Variants in UTRN observed in about 807,000 individuals in gnomAD.
UTRN encodes utrophin.
UTRN carries 283 observed loss-of-function variants against 463.9 expected under a neutral mutation model. That is an observed-to-expected ratio of 0.61 (90% CI 0.55 to 0.67). The LOEUF (loss-of-function observed/expected upper bound fraction) is 0.67. Ranked by LOEUF, UTRN falls within the 30% of genes least tolerant of loss-of-function variation. The pLI is 0.00. For missense variants in UTRN, 3,922 were observed against 4,084.3 expected, an observed-to-expected ratio of 0.96 and a Z score of 1.08; for synonymous variants, 1,442 against 1,431.5, an observed-to-expected ratio of 1.01 and a Z score of -0.17.
intron 2 of UTRN, among the ~76,000 whole-genome samples, chr6:144,378,725 A>G (rs1275385158): frequency 7.2e-5 from 11 of 152,184 alleles, no homozygotes; most frequent in Admixed American, 7.2e-4. Flanking sequence ...CATATGAACC[A>G]TGTTAATTTA....
intron 50 of UTRN, among the ~76,000 whole-genome samples, chr6:144,568,227 T>G (rs1800600447): frequency 6.9e-6 from 1 of 145,002 alleles, no homozygotes; most frequent in African/African-American, 2.7e-5. Context: ...AGTCTGTTGC[T>G]TCTTCTGTTT....
At chr6:144,599,224 A>C (rs892790434) in intron 51 of UTRN, among the ~76,000 whole-genome samples, 2 of 152,210 alleles carry the variant, frequency 1.3e-5, no homozygotes, top group African/African-American at 4.8e-5. Context: ...GATTTAGTAC[A>C]GGTGTATTTG....
chr6:144,459,194 T>C lies in UTRN; in HGVS notation c.2547T>C (p.Leu849=), dbSNP rs1258056480. 1.2e-6 allele frequency: 2 copies of C among 1,612,328 alleles called. No individual in the cohort carries two copies. The highest frequency in any genetic ancestry group is 3.4e-5 in the Admixed American group (2 of 59,470). The change falls in exon 21 of 75, where the codon CTT becomes CTC. Residue 849 remains leucine (L), a synonymous_variant. Transcript: ENST00000367545. Reference sequence around the variant, plus strand: ...CTTAGCGGGAATTGACAAATCTTCTTGGCCTTCACCCCAAAATTGAAATGG... The same window carrying C: ...CTTAGCGGGAATTGACAAATCTTCTCGGCCTTCACCCCAAAATTGAAATGG... ...DSCQRELTNL[L]GLHPKIEMAR...
chr6:144,825,317 C>T (rs1463822819), intron 66 of UTRN, among the ~76,000 whole-genome samples: 2 of 152,190 alleles, frequency 1.3e-5, no homozygotes, highest in Non-Finnish European at 2.9e-5. Flanking sequence ...CTAACACACA[C>T]ATTGTTCTTA....
At chr6:144,679,890 C>A (rs1420331827) in intron 52 of UTRN, among the ~76,000 whole-genome samples, 1 of 152,048 alleles carries the variant, frequency 6.6e-6, no homozygotes, top group Non-Finnish European at 1.5e-5. Flanking sequence ...GACATGGATG[C>A]TCTGTGTAAA....
At position 144,436,130 on chromosome 6, in the gene UTRN, A is replaced by G; in HGVS notation, c.1051A>G (p.Thr351Ala). 2 of 1,613,462 alleles carry G rather than the reference A, an allele frequency of 1.2e-6. No homozygotes were observed. The highest frequency in any genetic ancestry group is 1.1e-5 in the South Asian group (1 of 91,062). ...TGAAGAAGTCAAAGACCAGTTTGCA[A>G]CCCATGAAGTAAATATCTGTAGTTT... ...DVEEVKDQFA[T>A]HEAFMMELTA... The change falls in exon 10 of 75, where the codon ACC (threonine) becomes GCC (alanine). Residue 351 changes from threonine (T) to alanine (A), a missense_variant. By Grantham distance (58) the Thr-to-Ala change is moderately conservative. Coordinates refer to ENST00000367545, the MANE Select transcript of UTRN (RefSeq NM_007124.3).
At chr6:144,344,018 C>A in intron 2 of UTRN, 1 of 565,894 alleles carries the variant, frequency 1.8e-6, no homozygotes, top group Non-Finnish European at 2.5e-6. Context: ...CAAAGTGTAA[C>A]TTCCTCTCTG....
chr6:144,503,660 G>A (rs1794429751), intron 34 of UTRN, among the ~76,000 whole-genome samples: 1 of 152,180 alleles, frequency 6.6e-6, no homozygotes, highest in African/African-American at 2.4e-5. Context: ...TAGCCTGATA[G>A]TGTAGTTTGA....
intron 45 of UTRN, among the ~76,000 whole-genome samples, chr6:144,540,029 G>A (rs1286626709): frequency 7.0e-6 from 1 of 143,600 alleles, no homozygotes; most frequent in Non-Finnish European, 1.5e-5. Flanking sequence ...GGTGAGACAG[G>A]GAGACCCTGT....
At chr6:144,384,926 A>G (rs1035798585) in intron 2 of UTRN, among the ~76,000 whole-genome samples, 9 of 152,156 alleles carry the variant, frequency 5.9e-5, no homozygotes, top group African/African-American at 1.9e-4. Flanking sequence ...ATCATTGCAT[A>G]TGCTTTTTAC....
chr6:144,692,038 C>G (rs953620516), intron 52 of UTRN, among the ~76,000 whole-genome samples: 1 of 152,156 alleles, frequency 6.6e-6, no homozygotes, highest in Non-Finnish European at 1.5e-5. Context: ...CCTCTCCCTC[C>G]TCCCATCTTC....
chr6:144,302,496 TGA>T (rs549741477), intron 2 of UTRN, among the ~76,000 whole-genome samples: 32 of 105,270 alleles, frequency 3.0e-4, no homozygotes, highest in Admixed American at 2.0e-3. Flanking sequence ...GGCAACAGAG[TGA>T]GACTCTGTCT....
intron 3 of UTRN, among the ~76,000 whole-genome samples, chr6:144,413,209 G>T (rs77961239): frequency 1.3e-5 from 2 of 152,118 alleles, no homozygotes; most frequent in African/African-American, 4.8e-5. Context: ...ATATATGATC[G>T]TGGTCCCAGA....
At chr6:144,455,104 C>T (rs544079624) in intron 19 of UTRN, among the ~76,000 whole-genome samples, 1 of 151,986 alleles carries the variant, frequency 6.6e-6, no homozygotes, top group Non-Finnish European at 1.5e-5. Context: ...TATACACACA[C>T]AAACATATAT....
At chr6:144,290,939 T>A (rs554181403) in intron 1 of UTRN, among the ~76,000 whole-genome samples, 2 of 151,192 alleles carry the variant, frequency 1.3e-5, no homozygotes, top group South Asian at 2.1e-4. Flanking sequence ...TAATTTTTTT[T>A]TTTTTTTTGT....
At position 144,310,864 on chromosome 6, in the gene UTRN, G is replaced by A. The variant is rs141452932; in HGVS notation, c.79+18957G>A. ...AATCTTTGTTGATCTTTATTGTCCC[G>A]ATTGATTAGCTGCATGTCAGCCTTT... is the stretch of plus-strand genomic sequence containing the variant. On this transcript the variant is annotated intron_variant, in intron 2 of 74. Transcript: ENST00000367545. Among the ~76,000 whole-genome samples, 485 of 152,330 alleles carry A rather than the reference G, an allele frequency of 3.2e-3. 4 individuals are homozygous for A. Among genetic ancestry groups the A allele is most frequent in the African/African-American group, 0.011 (456 of 41,562 alleles).
chr6:144,452,185 T>A (rs553719403), intron 18 of UTRN, among the ~76,000 whole-genome samples: 41 of 152,348 alleles, frequency 2.7e-4, no homozygotes, highest in Admixed American at 2.5e-3. Flanking sequence ...TACATTGATC[T>A]TTAGTTAGAC....
rs1156802511 is a variant in UTRN at position 144,577,108 on chromosome 6, C to G, written c.7299C>G (p.Asp2433Glu). 1 of 1,613,276 alleles carries G rather than the reference C, an allele frequency of 6.2e-7. No homozygotes were observed. Among genetic ancestry groups the G allele is most frequent in the Non-Finnish European group, 8.5e-7 (1 of 1,179,592 alleles). The change falls in exon 51 of 75, where the codon GAC (aspartate) becomes GAG (glutamate). Residue 2433 changes from aspartate to glutamate, a missense_variant. Physicochemically the swap from Asp to Glu is conservative, Grantham distance 45 (BLOSUM62 2). Transcript: ENST00000367545. The part of the protein sequence containing the change: ...SWINLKQSIA[D>E]RQNALEAEWR... ...ATATTGTTACTTTCAGTATTGCTGA[C>G]AGACAGAACGCCTTGGAGGCTGAGT...
At chr6:144,401,993 G>A (rs935592007) in intron 2 of UTRN, among the ~76,000 whole-genome samples, 5 of 152,142 alleles carry the variant, frequency 3.3e-5, no homozygotes, top group East Asian at 3.8e-4. Flanking sequence ...TCGCAGATAC[G>A]CCTTGGACAG....
Sources: gnomAD v4.1 joint callset for allele counts (sites outside exome capture counted in the v4.1 genomes callset) on GRCh38, gnomAD v4.1.1 for gene constraint, MANE v1.5 for transcripts, NCBI Gene and HGNC (gene_info 2026-07-23, HGNC 2026-07-21) for gene names.